The following HHIPL1 variants were observed in gnomAD, a reference collection of about 807,000 sequenced individuals.
HHIPL1 encodes the protein HHIP like 1, also known as HHIP-like protein 1.
In HHIPL1, 43 loss-of-function variants were observed where a neutral mutation model predicts 61.8. That is an observed-to-expected ratio of 0.70 (90% CI 0.55 to 0.90). The LOEUF (loss-of-function observed/expected upper bound fraction) is 0.90, where lower values mean the gene tolerates loss of function less well. Among genes scored for constraint, HHIPL1 ranks in the 40% least tolerant of loss-of-function variants. HHIPL1 has a pLI of 0.00. For missense variants in HHIPL1, 1,056 were observed against 1,157.7 expected, an observed-to-expected ratio of 0.91 and a Z score of 1.28; for synonymous variants, 482 against 515.8, an observed-to-expected ratio of 0.93 and a Z score of 0.89.
chr14:99,652,197 A>T (rs777615380), intron 1 of HHIPL1, 27 bp from the exon 2 acceptor site: 1 of 1,553,640 alleles, frequency 6.4e-7, no homozygotes, highest in South Asian at 1.2e-5. Context: ...TCCACAAAAC[A>T]TCTCTGAGCC....
rs1050217934 is a variant in HHIPL1, at chr14:99,645,500, G to T, written c.255+38G>T. ...GCGGCCACCGGGCGGGGCGGGGCGC[G>T]GGAGGCCGAGTCCTGGAGCAGAGAT... On this transcript the variant is annotated intron_variant, in intron 1 of 8. Transcript: ENST00000330710. 6 of 1,259,074 alleles carry T rather than the reference G, an allele frequency of 4.8e-6. No individual in the cohort carries two copies. The African/African-American group carries it at 7.8e-5, about 16-fold the overall frequency. 78.0% of individuals were successfully genotyped at this position (1,259,074 alleles called of 1,614,324 possible). A position where few individuals can be genotyped will look rare whatever the true frequency, so the allele number is the denominator to read the frequency against.
At chr14:99,641,114 T>C (rs1566802018), upstream of HHIPL1, among the ~76,000 whole-genome samples, 2 of 152,018 alleles carry the variant, frequency 1.3e-5, no homozygotes, top group Non-Finnish European at 2.9e-5. Context: ...CTCCAACTCC[T>C]GACCTCAGGT....
At chr14:99,649,481 C>T (rs1454995223) in intron 1 of HHIPL1, among the ~76,000 whole-genome samples, 3 of 152,318 alleles carry the variant, frequency 2.0e-5, no homozygotes, top group South Asian at 4.1e-4. Context: ...CTTTAAGTCT[C>T]AGTTCCTCAT....
At position 99,645,358 on chromosome 14, in the gene HHIPL1, G is replaced by T; in HGVS notation, c.151G>T (p.Gly51Trp). The T allele has an allele frequency of 6.9e-7, 1 of 1,448,696 alleles. No individual in the cohort carries two copies. 89.7% of individuals were successfully genotyped at this position (1,448,696 alleles called of 1,614,324 possible). The change falls in exon 1 of 9, where the codon GGG (glycine) becomes TGG (tryptophan). Residue 51 changes from glycine (G) to tryptophan (W), a missense_variant. Gly to Trp is a radical substitution (Grantham distance 184, BLOSUM62 -2). Coordinates refer to ENST00000330710, the MANE Select transcript of HHIPL1 (RefSeq NM_001127258.3). ...CTCGGACTTCGGCTGCTGCGATGAG[G>T]GGCGCGACGCCGAGCTGACCCGCCG... is the stretch of plus-strand genomic sequence containing the variant. ...QYSDFGCCDE[G>W]RDAELTRRFW...
chr14:99,645,317 G>T lies in HHIPL1; in HGVS notation c.110G>T (p.Arg37Leu). The T allele has an allele frequency of 1.4e-6, 2 of 1,455,788 alleles. No individual in the cohort carries two copies. The allele number at this position is 1,455,788 out of a possible 1,614,324, so 90.2% of individuals were successfully genotyped here. The change falls in exon 1 of 9, where the codon CGC (arginine) becomes CTC (leucine). Residue 37 changes from arginine (R) to leucine (L), a missense_variant. By Grantham distance (102) the Arg-to-Leu change is moderately radical (BLOSUM62 -2). Coordinates refer to ENST00000330710, the MANE Select transcript of HHIPL1 (RefSeq NM_001127258.3). ...CCCTTCCGGCCGACGCAGCCGCTGC[G>T]CCTCTGCGCGCAGTACTCGGACTTC... ...RPPFRPTQPL[R>L]LCAQYSDFGC... is the part of the protein sequence containing the mutation.
At chr14:99,635,069 A>G in the HHIPL1 span, among the ~76,000 whole-genome samples, 2 of 152,032 alleles carry the variant, frequency 1.3e-5, no homozygotes, top group Non-Finnish European at 2.9e-5. Flanking sequence ...GTGGTGACCC[A>G]GAAAGGATCT....
At position 99,675,109 on chromosome 14, in the gene HHIPL1, G is replaced by C; in HGVS notation, c.1832G>C (p.Arg611Pro). 2 of 1,166,384 alleles carry C rather than the reference G, an allele frequency of 1.7e-6. No individual in the cohort carries two copies. Among genetic ancestry groups the C allele is most frequent in the East Asian group, 5.2e-5 (1 of 19,256 alleles). The allele number at this position is 1,166,384 out of a possible 1,614,324, so 72.3% of individuals were successfully genotyped here. Residue 611 changes from arginine (R) to proline (P), a missense_variant, in exon 9 of 9, where the codon CGG becomes CCG. Arg to Pro is a moderately radical substitution (Grantham distance 103). Coordinates refer to ENST00000330710, the MANE Select transcript of HHIPL1 (RefSeq NM_001127258.3). This position sits in a 1 kb window ranked among gnomAD's most constrained non-coding sequence, Gnocchi z 5.4. ...VPKEKFIPKT[R>P]STPRPTARAP... is the part of the protein sequence containing the mutation. ...TGCGCAGAGTTCATCCCGAAGACAC[G>C]GAGCACCCCGCGGCCTACAGCGCGG...
chr14:99,631,367 G>A, the HHIPL1 span, among the ~76,000 whole-genome samples: 13 of 151,840 alleles, frequency 8.6e-5, no homozygotes, highest in South Asian at 2.1e-4. Context: ...CACCGCGCCC[G>A]GCCTGGTTCC....
chr14:99,654,660 C>A (rs1006867718), intron 2 of HHIPL1, among the ~76,000 whole-genome samples: 11 of 152,148 alleles, frequency 7.2e-5, no homozygotes, highest in African/African-American at 2.7e-4. Context: ...ATCTTGACAC[C>A]GAATGTATAA....
rs573083190 is a variant in HHIPL1 at position 99,648,787 on chromosome 14, G to A, written c.255+3325G>A. ...GAATAGCAGTTTGCCAGATGAGGAAGTAGGTGAGAAGCAAATATCCGATGG... is the reference window on the plus strand; with the variant it reads ...GAATAGCAGTTTGCCAGATGAGGAAATAGGTGAGAAGCAAATATCCGATGG... On this transcript the variant is annotated intron_variant, in intron 1 of 8. Coordinates refer to ENST00000330710, the MANE Select transcript of HHIPL1 (RefSeq NM_001127258.3). Among the ~76,000 whole-genome samples, 304 of 152,324 alleles carry A rather than the reference G, an allele frequency of 2.0e-3. 1 individual carries two copies. The highest frequency in any genetic ancestry group is 6.8e-3 in the Middle Eastern group (2 of 294).
At chr14:99,666,989 C>G (rs1391852525) in intron 6 of HHIPL1, among the ~76,000 whole-genome samples, 1 of 152,056 alleles carries the variant, frequency 6.6e-6, no homozygotes, top group African/African-American at 2.4e-5. Flanking sequence ...TCAGACCCCA[C>G]CCCCATGCAG....
At chr14:99,630,950 C>A in the HHIPL1 span, among the ~76,000 whole-genome samples, 2 of 152,156 alleles carry the variant, frequency 1.3e-5, no homozygotes, top group Admixed American at 6.5e-5. Context: ...CGCATGTCCT[C>A]TGTCCAAATG....
At chr14:99,619,943 C>T in the HHIPL1 span, among the ~76,000 whole-genome samples, 1 of 152,182 alleles carries the variant, frequency 6.6e-6, no homozygotes, top group African/African-American at 2.4e-5. Context: ...CAATCCACAT[C>T]CTTAGCAGAG....
upstream of HHIPL1, among the ~76,000 whole-genome samples, chr14:99,642,825 TC>T: frequency 6.6e-6 from 1 of 150,670 alleles, no homozygotes; most frequent in African/African-American, 2.4e-5. Context: ...TGCCCGGCCT[TC>T]ATTTTTTTTC....
chr14:99,664,128 C>T (rs776583060), intron 6 of HHIPL1, among the ~76,000 whole-genome samples: 11 of 152,122 alleles, frequency 7.2e-5, no homozygotes, highest in Non-Finnish European at 5.9e-5. Context: ...TCCTTGGCCC[C>T]GGGTTGTTCC....
the HHIPL1 span, among the ~76,000 whole-genome samples, chr14:99,637,581 A>AAAG: frequency 6.6e-6 from 1 of 152,008 alleles, no homozygotes; most frequent in South Asian, 2.1e-4. Flanking sequence ...CAAAAAAAAA[A>AAAG]AAAGAAAGAA....
chr14:99,637,428 TG>T, the HHIPL1 span, among the ~76,000 whole-genome samples: 1 of 151,736 alleles, frequency 6.6e-6, no homozygotes, highest in Non-Finnish European at 1.5e-5. Context: ...CATAATCAGC[TG>T]GGCGTGATGG....
the HHIPL1 span, among the ~76,000 whole-genome samples, chr14:99,612,690 G>A: frequency 2.6e-5 from 4 of 152,086 alleles, no homozygotes; most frequent in Non-Finnish European, 5.9e-5. Context: ...CCCGTGATAT[G>A]GGGGTGTTTC....
At chr14:99,645,588 A>G in intron 1 of HHIPL1, 126 bp downstream of exon 1, 2 of 1,040,618 alleles carry the variant, frequency 1.9e-6, no homozygotes, top group Non-Finnish European at 2.4e-6. Flanking sequence ...AAGCCCCAAC[A>G]GGGAGTCATT....
Sources: gnomAD v4.1 joint callset for allele counts (sites outside exome capture counted in the v4.1 genomes callset) on GRCh38, gnomAD v4.1.1 for gene constraint, Gnocchi (gnomAD v3.1) non-coding constraint, MANE v1.5 for transcripts, NCBI Gene and HGNC (gene_info 2026-07-23, HGNC 2026-07-21) for gene names.